Variants in DCDC1 observed in about 807,000 individuals in gnomAD.
The protein encoded by DCDC1 is doublecortin domain-containing protein 1.
Under a neutral mutation model 178.3 loss-of-function variants are expected in DCDC1, and 200 were observed. That is an observed-to-expected ratio of 1.12 (90% CI 1.00 to 1.26). DCDC1 has a LOEUF of 1.26. Among genes scored for constraint, DCDC1 ranks in the 50% most tolerant of loss-of-function variants. DCDC1 has a pLI of 0.00. For synonymous variants in DCDC1, 690 were observed against 604.8 expected, an observed-to-expected ratio of 1.14 and a Z score of -2.07; for missense variants, 1,983 against 1,749.2, an observed-to-expected ratio of 1.13 and a Z score of -2.38.
intron 18 of DCDC1, among the ~76,000 whole-genome samples, chr11:31,068,164 T>C (rs903486076): frequency 6.6e-6 from 1 of 152,178 alleles, no homozygotes; most frequent in Non-Finnish European, 1.5e-5. Flanking sequence ...ATTAAAAGCA[T>C]AATAAAACAA....
intron 21 of DCDC1, among the ~76,000 whole-genome samples, chr11:30,950,222 T>C (rs1948335129): frequency 6.6e-6 from 1 of 151,942 alleles, no homozygotes; most frequent in Non-Finnish European, 1.5e-5. Flanking sequence ...AAACCTTTTC[T>C]CCCACCAACC....
chr11:31,057,063 C>T (rs893077103), intron 20 of DCDC1, among the ~76,000 whole-genome samples: 1 of 151,968 alleles, frequency 6.6e-6, no homozygotes, highest in Non-Finnish European at 1.5e-5. Context: ...GAAAACCCAT[C>T]TCTACTAAAA....
intron 9 of DCDC1, chr11:31,215,202 G>A (rs746641268): frequency 2.4e-5 from 6 of 251,416 alleles, no homozygotes; most frequent in Non-Finnish European, 8.3e-6. Flanking sequence ...GGCTGAGGCA[G>A]GAGGATCCCT....
In DCDC1 at chr11:31,305,746, A is replaced by G. The variant is rs765612757; in HGVS notation, c.623T>C (p.Leu208Pro). The G allele has an allele frequency of 1.7e-5, 27 of 1,613,542 alleles. No homozygotes were observed. Among genetic ancestry groups the G allele is most frequent in the Non-Finnish European group, 2.2e-5 (26 of 1,179,810 alleles). The change falls in exon 6 of 39, where the codon CTG becomes CCG. Residue 208 changes from leucine (L) to proline (P), a missense_variant. Physicochemically the swap from Leu to Pro is moderately conservative, Grantham distance 98. Coordinates refer to ENST00000684477, the MANE Select transcript of DCDC1 (RefSeq NM_001387274.1). The stretch of plus-strand genomic sequence containing the variant: ...GAACACTCGTCTTGCGGCCATGTTC[A>G]GATTCAGCTTTTCTGTGCACTCCTC... ...LLEECTEKLN[L>P]NMAARRVFLA...
At chr11:31,332,775 T>G (rs541700964) in intron 2 of DCDC1, among the ~76,000 whole-genome samples, 13 of 152,200 alleles carry the variant, frequency 8.5e-5, no homozygotes, top group Non-Finnish European at 1.6e-4. Context: ...CTTTCACATT[T>G]GCTGAGGAGT....
chr11:31,139,500 G>A (rs750144506), intron 9 of DCDC1, among the ~76,000 whole-genome samples: 1 of 152,178 alleles, frequency 6.6e-6, no homozygotes, highest in African/African-American at 2.4e-5. Flanking sequence ...GGAAACGGGT[G>A]TAGAAGAGAG....
chr11:31,144,795 C>T (rs986517362), intron 9 of DCDC1, among the ~76,000 whole-genome samples: 2 of 151,988 alleles, frequency 1.3e-5, no homozygotes, highest in African/African-American at 4.8e-5. Context: ...TCTGAAAGTG[C>T]ACTTCACATA....
At chr11:31,002,557 A>T (rs1951634144) in intron 20 of DCDC1, among the ~76,000 whole-genome samples, 1 of 152,192 alleles carries the variant, frequency 6.6e-6, no homozygotes, top group South Asian at 2.1e-4. Context: ...CTTTATGTAG[A>T]GAAAATCAAC....
intron 1 of DCDC1, among the ~76,000 whole-genome samples, chr11:31,352,471 T>A (rs530063261): frequency 1.3e-5 from 2 of 152,296 alleles, no homozygotes; most frequent in African/African-American, 4.8e-5. Flanking sequence ...CACAGTTTGA[T>A]ACTTAGCAAC....
intron 9 of DCDC1, among the ~76,000 whole-genome samples, chr11:31,142,127 G>A (rs901175428): frequency 1.3e-5 from 2 of 152,184 alleles, no homozygotes; most frequent in African/African-American, 2.4e-5. Context: ...GGAGAGTGGG[G>A]GAAGCCACTA....
At chr11:30,868,544 C>T (rs1256366607) in intron 38 of DCDC1, among the ~76,000 whole-genome samples, 4 of 152,118 alleles carry the variant, frequency 2.6e-5, no homozygotes, top group Non-Finnish European at 1.5e-5. Context: ...AGCCACCACG[C>T]CCAGCCCATA....
chr11:31,096,823 G>A (rs758935982), intron 15 of DCDC1, among the ~76,000 whole-genome samples: 5 of 152,064 alleles, frequency 3.3e-5, no homozygotes, highest in Non-Finnish European at 5.9e-5. Flanking sequence ...TAGACCAAAC[G>A]AGGGTGGGAA....
At chr11:31,007,333 T>C (rs963958289) in intron 20 of DCDC1, among the ~76,000 whole-genome samples, 4 of 152,192 alleles carry the variant, frequency 2.6e-5, no homozygotes, top group African/African-American at 4.8e-5. Context: ...AACTTCATTC[T>C]AAGGTAAAGC....
intron 3 of DCDC1, among the ~76,000 whole-genome samples, chr11:31,313,992 T>C (rs1426163497): frequency 6.6e-6 from 1 of 152,198 alleles, no homozygotes; most frequent in East Asian, 1.9e-4. Context: ...TCATTACATC[T>C]GTAAATAACT....
chr11:31,280,374 G>A (rs551410061), intron 7 of DCDC1, among the ~76,000 whole-genome samples: 8 of 152,226 alleles, frequency 5.3e-5, no homozygotes, highest in African/African-American at 1.9e-4. Context: ...GTTTTAAGAT[G>A]GCATTCACCA....
chr11:31,038,306 G>C (rs1352579978), intron 20 of DCDC1, among the ~76,000 whole-genome samples: 1 of 151,846 alleles, frequency 6.6e-6, no homozygotes, highest in East Asian at 1.9e-4. Flanking sequence ...TACCTGGAGA[G>C]TATTTGTGAA....
intron 9 of DCDC1, among the ~76,000 whole-genome samples, chr11:31,138,044 A>C (rs1963368400): frequency 6.6e-6 from 1 of 152,220 alleles, no homozygotes. Context: ...CAGATATTAG[A>C]CACTGATGAG....
At chr11:31,097,039 G>A (rs1330531072) in intron 15 of DCDC1, among the ~76,000 whole-genome samples, 4 of 152,178 alleles carry the variant, frequency 2.6e-5, no homozygotes, top group Non-Finnish European at 4.4e-5. Context: ...ACATTTTTAA[G>A]TCTTACTGAG....
chr11:31,027,133 T>G (rs1953295497), intron 20 of DCDC1, among the ~76,000 whole-genome samples: 1 of 151,792 alleles, frequency 6.6e-6, no homozygotes, highest in Admixed American at 6.6e-5. Context: ...CTATCCAACA[T>G]GAGTCCTTTT....
Sources: allele counts gnomAD v4.1 joint callset (sites outside exome capture counted in the v4.1 genomes callset), GRCh38; gene constraint gnomAD v4.1.1; transcripts MANE v1.5; gene names NCBI Gene and HGNC (gene_info 2026-07-23, HGNC 2026-07-21).